MUL1: variants seen among roughly 807,000 people sequenced by gnomAD.
The protein encoded by MUL1 is mitochondrial ubiquitin ligase activator of NFKB 1.
Under a neutral mutation model 34.1 loss-of-function variants are expected in MUL1, and 30 were observed. The ratio of observed to expected loss-of-function variants is 0.88; its 90% confidence interval spans 0.66 to 1.19. The LOEUF is 1.19. Ranked by LOEUF, MUL1 falls within the 50% of genes most tolerant of loss-of-function variation. MUL1 has a pLI of 0.00. For synonymous variants in MUL1, 191 were observed against 187.8 expected (o/e 1.02, Z -0.14); for missense variants, 419 against 450.5 (o/e 0.93, Z 0.63).
chr1:20,505,844 A>G (rs2051709240), intron 1 of MUL1, among the ~76,000 whole-genome samples: 1 of 152,178 alleles, frequency 6.6e-6, no homozygotes, highest in Admixed American at 6.6e-5. Context: ...CACTGCTTCA[A>G]AGAAGCCCTC....
chr1:20,500,710 T>C lies in MUL1; in HGVS notation c.1039A>G (p.Ile347Val). 1 of 1,589,398 alleles carries C rather than the reference T, an allele frequency of 6.3e-7. No homozygotes were observed. The highest frequency in any genetic ancestry group is 1.7e-5 in the Admixed American group (1 of 58,164). Residue 347 changes from isoleucine to valine, a missense_variant, in exon 4 of 4, where the codon ATA becomes GTA. Transcript: ENST00000264198. ...PICRQAITRV[I>V]PLYNS ...AACTATTAGCTGTTGTACAGGGGTA[T>C]CACCCGGGTGATCGCCTGTCTGCAG...
In MUL1 at chr1:20,501,607, G is replaced by A. The variant is rs1485478099; in HGVS notation, c.330-188C>T. Among the ~76,000 whole-genome samples the A allele has an allele frequency of 6.6e-6, 1 of 152,118 alleles. No homozygotes were observed. The highest frequency in any genetic ancestry group is 1.9e-4 in the East Asian group (1 of 5,198). ...GTAGGTCCTGGGGCGATATCAGTGG[G>A]CAACAAATAACCGCCACAGACTATC... is the stretch of plus-strand genomic sequence containing the variant. On this transcript the variant is annotated intron_variant, in intron 3 of 3. Coordinates refer to ENST00000264198, the MANE Select transcript of MUL1 (RefSeq NM_024544.3). This position sits in a 1 kb window ranked among gnomAD's most constrained non-coding sequence, Gnocchi z 4.2.
chr1:20,506,231 T>A (rs2051712853), intron 1 of MUL1, among the ~76,000 whole-genome samples: 1 of 152,140 alleles, frequency 6.6e-6, no homozygotes, highest in South Asian at 2.1e-4. Flanking sequence ...TCAAATTAGG[T>A]TAGGCCCTTA....
chr1:20,503,358 G>T, intron 1 of MUL1, 49 bp from the exon 2 acceptor site: 1 of 1,111,294 alleles, frequency 9.0e-7, no homozygotes, highest in Non-Finnish European at 1.3e-6. Flanking sequence ...ACACTGACAT[G>T]CTCAATCAAA....
chr1:20,505,631 G>C (rs2051707094), intron 1 of MUL1, among the ~76,000 whole-genome samples: 1 of 122,500 alleles, frequency 8.2e-6, no homozygotes, highest in African/African-American at 3.0e-5. Context: ...AAAAAAGAAA[G>C]AAGAAAGAAA....
chr1:20,507,929 C>A lies in MUL1; in HGVS notation c.96G>T (p.Lys32Asn). The change falls in exon 1 of 4, where the codon AAG (lysine) becomes AAT (asparagine). Residue 32 changes from lysine to asparagine, a missense_variant. Coordinates refer to ENST00000264198, the MANE Select transcript of MUL1 (RefSeq NM_024544.3). ...TAALYSVYRQ[K>N]ARVSQELKGA... ...CCTTGAGCTCTTGGGAGACCCGGGC[C>A]TTCTGCCGGTACACGGAGTACAGGG... The A allele has an allele frequency of 6.3e-7, 1 of 1,596,978 alleles. No homozygotes were observed.
chr1:20,501,619 C>T lies in MUL1; in HGVS notation c.330-200G>A, dbSNP rs1410153510. ...GCGATATCAGTGGGCAACAAATAAC[C>T]GCCACAGACTATCATTTCCCTTTCC... On this transcript the variant is annotated intron_variant, in intron 3 of 3. Coordinates refer to ENST00000264198, the MANE Select transcript of MUL1 (RefSeq NM_024544.3). This position sits in a 1 kb window ranked among gnomAD's most constrained non-coding sequence, Gnocchi z 4.2. Among the ~76,000 whole-genome samples the T allele has an allele frequency of 2.0e-5, 3 of 152,158 alleles. No homozygotes were observed. Among genetic ancestry groups the T allele is most frequent in the African/African-American group, 7.2e-5 (3 of 41,418 alleles).
chr1:20,502,090 C>G lies in MUL1; in HGVS notation c.308G>C (p.Trp103Ser). Reference protein sequence around the residue: ...RLTLQEHKMVWNRTTHLWNDC... With the variant: ...RLTLQEHKMVSNRTTHLWNDC... ...ATACCAAAGGTGGGTGGTTCGATTC[C>G]ACACCATCTTGTGCTCCTGAAGTGT... Residue 103 changes from tryptophan to serine, a missense_variant, in exon 3 of 4, where the codon TGG (tryptophan) becomes TCG (serine). Trp to Ser is a radical substitution (Grantham distance 177). Coordinates refer to ENST00000264198, the MANE Select transcript of MUL1 (RefSeq NM_024544.3). The G allele has an allele frequency of 3.7e-6, 6 of 1,613,918 alleles. No individual in the cohort carries two copies. Among genetic ancestry groups the G allele is most frequent in the Non-Finnish European group, 5.1e-6 (6 of 1,180,008 alleles).
At position 20,499,899 on chromosome 1, in the gene MUL1, G is replaced by A. The variant is rs2051635810; in HGVS notation, c.*791C>T. 1 of 152,312 alleles carries A rather than the reference G, an allele frequency of 6.6e-6. No homozygotes were observed. The highest frequency in any genetic ancestry group is 6.5e-5 in the Admixed American group (1 of 15,288). The allele number at this position is 152,312 out of a possible 1,614,324, so 9.4% of individuals were successfully genotyped here. ...GCGTCCTTCAGGAGGCGAGGCCTCTGCGCCTCATTCTCCAGGAGGGAAAAC... is the reference window on the plus strand; with the variant it reads ...GCGTCCTTCAGGAGGCGAGGCCTCTACGCCTCATTCTCCAGGAGGGAAAAC... On this transcript the variant is annotated 3_prime_UTR_variant, in exon 4 of 4. Transcript: ENST00000264198.
In MUL1 at chr1:20,501,090, T is replaced by G; in HGVS notation, c.659A>C (p.Tyr220Ser). The G allele has an allele frequency of 6.2e-7, 1 of 1,614,100 alleles. No homozygotes were observed. The highest frequency in any genetic ancestry group is 2.2e-5 in the East Asian group (1 of 44,878). ...LQPPKQGMQY[Y>S]LSSQDFDSLL... ...GCTGTCGAAGTCCTGGCTGCTTAGA[T>G]AGTACTGCATGCCTTGTTTGGGCGG... Residue 220 changes from tyrosine to serine, a missense_variant, in exon 4 of 4, where the codon TAT becomes TCT. Transcript: ENST00000264198. The surrounding 1 kb of genome is among the most constrained non-coding windows in gnomAD (Gnocchi z 4.2).
rs146877909 is a variant in MUL1 at position 20,500,650 on chromosome 1, CA to C, written c.*39del. 75,464 of 1,523,400 alleles carry C rather than the reference CA, an allele frequency of 0.05. 2,027 individuals are homozygous for C. Among genetic ancestry groups the C allele is most frequent in the Middle Eastern group, 0.087 (421 of 4,858 alleles). 94.4% of individuals were successfully genotyped at this position (1,523,400 alleles called of 1,614,324 possible). On this transcript the variant is annotated 3_prime_UTR_variant, in exon 4 of 4. Transcript: ENST00000264198. ...GAGATAAAAATCCCTGAAAAGGGGG[CA>C]GGGGTGCTTCCAGGTCAAGCTGTGC...
chr1:20,506,553 C>CA (rs35699312), intron 1 of MUL1, among the ~76,000 whole-genome samples: 1 of 152,108 alleles, frequency 6.6e-6, no homozygotes, highest in Non-Finnish European at 1.5e-5. Flanking sequence ...TTATTTACTT[C>CA]AAAAAATTAT....
rs1278429749 is a variant in MUL1, at chr1:20,501,170, G to A, written c.579C>T (p.Ala193=). 1 of 1,614,114 alleles carries A rather than the reference G, an allele frequency of 6.2e-7. No homozygotes were observed. The highest frequency in any genetic ancestry group is 8.5e-7 in the Non-Finnish European group (1 of 1,179,974). Residue 193 remains alanine (A), a synonymous_variant, in exon 4 of 4, where the codon GCC becomes GCT. Coordinates refer to ENST00000264198, the MANE Select transcript of MUL1 (RefSeq NM_024544.3). The surrounding 1 kb of genome is among the most constrained non-coding windows in gnomAD (Gnocchi z 4.2). ...CCAGTTCGCCAACCCCTGTGAGGGT[G>A]GCCCCCACCTTCAGCATCTCCTCGG... is the stretch of plus-strand genomic sequence containing the variant. ...QETEEMLKVG[A]TLTGVGELVL...
rs1403445439 is a variant in MUL1, at chr1:20,501,141, A to G, written c.608T>C (p.Leu203Pro). The G allele has an allele frequency of 6.2e-7, 1 of 1,614,110 alleles. No homozygotes were observed. ...CTGCAGGCGGACAGAGTTGTTGTCCAGGACCAGTTCGCCAACCCCTGTGAG... is the reference window on the plus strand; with the variant it reads ...CTGCAGGCGGACAGAGTTGTTGTCCGGGACCAGTTCGCCAACCCCTGTGAG... ...ATLTGVGELVLDNNSVRLQPP... is the reference protein window; with the variant it reads ...ATLTGVGELVPDNNSVRLQPP... Residue 203 changes from leucine to proline, a missense_variant, in exon 4 of 4, where the codon CTG (leucine) becomes CCG (proline). Coordinates refer to ENST00000264198, the MANE Select transcript of MUL1 (RefSeq NM_024544.3). This position sits in a 1 kb window ranked among gnomAD's most constrained non-coding sequence, Gnocchi z 4.2.
rs2051667174 is a variant in MUL1, at chr1:20,502,065, A to G, written c.329+4T>C. 6.2e-7 allele frequency: 1 copy of G among 1,613,350 alleles called. No individual in the cohort carries two copies. Among genetic ancestry groups the G allele is most frequent in the Non-Finnish European group, 8.5e-7 (1 of 1,179,954 alleles). On this transcript the variant is annotated splice_donor_region_variant and intron_variant, in intron 3 of 3. Transcript: ENST00000264198. ...GTTTTGGCCAGTGGAGAAGTGATAC[A>G]TACCAAAGGTGGGTGGTTCGATTCC...
Position 20,502,145 on chromosome 1 carries a change from C to T in MUL1, c.253G>A (p.Glu85Lys). The change falls in exon 3 of 4, where the codon GAA becomes AAA. Residue 85 changes from glutamate to lysine, a missense_variant. By Grantham distance (56) the Glu-to-Lys change is moderately conservative. Transcript: ENST00000264198. ...VKETLNSQFV[E>K]NCKGVIQRLT... ...CGCTGAATTACCCCCTTGCAGTTTTCCACAAACTGGCTGTTAAGCGTTTCT... is the reference window on the plus strand; with the variant it reads ...CGCTGAATTACCCCCTTGCAGTTTTTCACAAACTGGCTGTTAAGCGTTTCT... 1 of 1,614,174 alleles carries T rather than the reference C, an allele frequency of 6.2e-7. No homozygotes were observed. The highest frequency in any genetic ancestry group is 8.5e-7 in the Non-Finnish European group (1 of 1,180,030).
At position 20,500,747 on chromosome 1, in the gene MUL1, C is replaced by A. The variant is rs1284685409; in HGVS notation, c.1002G>T (p.Lys334Asn). 1.2e-6 allele frequency: 2 copies of A among 1,611,466 alleles called. No individual in the cohort carries two copies. The highest frequency in any genetic ancestry group is 3.3e-5 in the Admixed American group (2 of 59,716). The change falls in exon 4 of 4, where the codon AAG (lysine) becomes AAT (asparagine). Residue 334 changes from lysine (K) to asparagine (N), a missense_variant. Physicochemically the swap from Lys to Asn is moderately conservative, Grantham distance 94 (BLOSUM62 0). Transcript: ENST00000264198. ...TECYRALPEP[K>N]KCPICRQAIT... ...TCGCCTGTCTGCAGATAGGGCACTT[C>A]TTGGGCTCTGGCAAGGCGCGGTAGC...
Position 20,503,328 on chromosome 1 carries a change from T to A in MUL1, c.121-19A>T, listed in dbSNP as rs542719263. The A allele has an allele frequency of 2.0e-4, 265 of 1,328,950 alleles. No individual in the cohort carries two copies. The African/African-American group carries it at 2.6e-3, about 13-fold the overall frequency. 82.3% of individuals were successfully genotyped at this position (1,328,950 alleles called of 1,614,324 possible). The stretch of plus-strand genomic sequence containing the variant: ...TAGCTCCCTAAATAAAAAAAAAAAA[T>A]TAAATTAATTGGCCATTGAACACTG... On this transcript the variant is annotated intron_variant, in intron 1 of 3. Transcript: ENST00000264198.
At position 20,500,225 on chromosome 1, in the gene MUL1, G is replaced by A. The variant is rs577051949; in HGVS notation, c.*465C>T. The A allele has an allele frequency of 2.1e-3, 320 of 154,148 alleles. No homozygotes were observed. The highest frequency in any genetic ancestry group is 6.9e-3 in the African/African-American group (286 of 41,616). 9.5% of individuals were successfully genotyped at this position (154,148 alleles called of 1,614,324 possible). A position where few individuals can be genotyped will look rare whatever the true frequency, so the allele number is the denominator to read the frequency against. The stretch of plus-strand genomic sequence containing the variant: ...CATGAGGAAAAAGAAGAAAAGCTGC[G>A]GCAGAGTCTCTTCGGAGGCAGCACC... On this transcript the variant is annotated 3_prime_UTR_variant, in exon 4 of 4. Coordinates refer to ENST00000264198, the MANE Select transcript of MUL1 (RefSeq NM_024544.3).
Sources: allele counts gnomAD v4.1 joint callset (sites outside exome capture counted in the v4.1 genomes callset), GRCh38; gene constraint gnomAD v4.1.1; non-coding constraint Gnocchi (gnomAD v3.1); transcripts MANE v1.5; gene names NCBI Gene and HGNC (gene_info 2026-07-23, HGNC 2026-07-21).